SLX4IP: variants seen among roughly 807,000 people sequenced by gnomAD.
SLX4IP encodes protein SLX4IP.
Under a neutral mutation model 32.9 loss-of-function variants are expected in SLX4IP, and 34 were observed. The observed-to-expected ratio is 1.03, with a 90% CI of 0.79 to 1.38. The LOEUF is 1.38. Ranked by LOEUF, SLX4IP falls within the 40% of genes most tolerant of loss-of-function variation. The probability of loss-of-function intolerance (pLI) is 0.00; values close to 1 mark genes in which losing one functional copy is unlikely to be tolerated. For synonymous variants in SLX4IP, 172 were observed against 171.7 expected, an observed-to-expected ratio of 1.00 and a Z score of -0.01; for missense variants, 444 against 479.0, an observed-to-expected ratio of 0.93 and a Z score of 0.68.
intron 2 of SLX4IP, among the ~76,000 whole-genome samples, chr20:10,532,017 A>T (rs1328964187): frequency 2.6e-5 from 4 of 152,174 alleles, no homozygotes; most frequent in Non-Finnish European, 4.4e-5. Flanking sequence ...CTGACATCAC[A>T]TCCCTGACAT....
chr20:10,543,483 C>G (rs1173318694), intron 2 of SLX4IP, among the ~76,000 whole-genome samples: 1 of 152,158 alleles, frequency 6.6e-6, no homozygotes, highest in Non-Finnish European at 1.5e-5. Context: ...AACCTTGAGA[C>G]TGATGAAAGT....
intron 2 of SLX4IP, among the ~76,000 whole-genome samples, chr20:10,458,498 C>A (rs1197983561): frequency 1.3e-5 from 2 of 152,112 alleles, no homozygotes; most frequent in African/African-American, 4.8e-5. Context: ...ATTAGCTATT[C>A]TTCCTGATGT....
Position 10,526,073 on chromosome 20 carries a change from C to T in SLX4IP, c.28-30158C>T, listed in dbSNP as rs139393747. Among the ~76,000 whole-genome samples the T allele has an allele frequency of 3.3e-5, 5 of 152,262 alleles. No individual in the cohort carries two copies. The East Asian group carries it at 9.6e-4, about 29-fold the overall frequency. ...GATCTCTTTGTTCTAGCCTGCATTT[C>T]CGGTCTCACCTTCCCCCATCATACC... On this transcript the variant is annotated intron_variant, in intron 2 of 7. Coordinates refer to ENST00000334534, the MANE Select transcript of SLX4IP (RefSeq NM_001009608.3).
At chr20:10,621,470 ATAACATGAAG>A (rs749800980) in intron 7 of SLX4IP, 56 bp downstream of exon 7, 26 of 1,489,410 alleles carry the variant, frequency 1.7e-5, no homozygotes, top group Non-Finnish European at 2.4e-5. Context: ...GTATGGATAG[ATAACATGAAG>A]TCCAGAATTA....
In SLX4IP at chr20:10,507,103, A is replaced by G. The variant is rs73896580; in HGVS notation, c.27+48872A>G. 2.7e-3 allele frequency among the ~76,000 whole-genome samples: 415 copies of G among 152,316 alleles called. 2 individuals carry two copies. Among genetic ancestry groups the G allele is most frequent in the African/African-American group, 9.6e-3 (401 of 41,572 alleles). On this transcript the variant is annotated intron_variant, in intron 2 of 7. Transcript: ENST00000334534. ...CAATTTTAAATCAGGTGGCTGGGGA[A>G]GGCCTGCTTGAGAAGACTTGAAGAG...
chr20:10,472,725 G>A (rs756085694), intron 2 of SLX4IP, among the ~76,000 whole-genome samples: 10 of 152,186 alleles, frequency 6.6e-5, no homozygotes, highest in Non-Finnish European at 1.3e-4. Flanking sequence ...TAGGATTAAT[G>A]TTAACTCACT....
chr20:10,602,285 CCTCTCT>C (rs141021766), intron 6 of SLX4IP, among the ~76,000 whole-genome samples: 136 of 147,590 alleles, frequency 9.2e-4, no homozygotes, highest in African/African-American at 3.2e-3. Flanking sequence ...TCATTTTCTC[CCTCTCT>C]CTCTCTCTCT....
At chr20:10,436,086 TAATG>T (rs2065110665) in intron 1 of SLX4IP, among the ~76,000 whole-genome samples, 1 of 152,180 alleles carries the variant, frequency 6.6e-6, no homozygotes, top group African/African-American at 2.4e-5. Flanking sequence ...GTGTAGGAAT[TAATG>T]GTATTGACAC....
intron 2 of SLX4IP, among the ~76,000 whole-genome samples, chr20:10,516,685 C>G (rs2065852455): frequency 6.6e-6 from 1 of 152,138 alleles, no homozygotes; most frequent in African/African-American, 2.4e-5. Flanking sequence ...ATAGAAATAT[C>G]AAGTAATAAT....
chr20:10,619,776 C>T (rs1030616458), intron 6 of SLX4IP, among the ~76,000 whole-genome samples: 8 of 152,148 alleles, frequency 5.3e-5, no homozygotes, highest in Admixed American at 4.6e-4. Flanking sequence ...ACATAAATCT[C>T]GATTCCTCTC....
chr20:10,482,723 C>T (rs75420009), intron 2 of SLX4IP, among the ~76,000 whole-genome samples: 1,546 of 152,252 alleles, frequency 0.01, 15 homozygotes, highest in Non-Finnish European at 0.016. Context: ...AGAAGGAAAG[C>T]GTATTTGCAG....
intron 2 of SLX4IP, among the ~76,000 whole-genome samples, chr20:10,487,159 A>T (rs1165826098): frequency 1.3e-5 from 2 of 152,254 alleles, no homozygotes; most frequent in East Asian, 3.9e-4. Context: ...ACAACAACAA[A>T]ATCAACATCC....
intron 4 of SLX4IP, among the ~76,000 whole-genome samples, chr20:10,582,560 G>A (rs536238331): frequency 1.3e-5 from 2 of 152,108 alleles, no homozygotes; most frequent in Non-Finnish European, 2.9e-5. Context: ...TCTGCAAGAT[G>A]TGTGTGTATG....
rs1366408750 is a variant in SLX4IP, at chr20:10,598,731, A to G, written c.295A>G (p.Ile99Val). The G allele has an allele frequency of 1.2e-6, 2 of 1,614,010 alleles. No individual in the cohort carries two copies. Among genetic ancestry groups the G allele is most frequent in the African/African-American group, 1.3e-5 (1 of 74,930 alleles). Residue 99 changes from isoleucine to valine, a missense_variant, in exon 5 of 8, where the codon ATC (isoleucine) becomes GTC (valine). Physicochemically the swap from Ile to Val is conservative, Grantham distance 29 (BLOSUM62 3). Coordinates refer to ENST00000334534, the MANE Select transcript of SLX4IP (RefSeq NM_001009608.3). ...CAAGAGAGGGATACGCCTTCGCTGCATCAGGAGCACACAGAATGCTGGTAA... is the reference window on the plus strand; with the variant it reads ...CAAGAGAGGGATACGCCTTCGCTGCGTCAGGAGCACACAGAATGCTGGTAA... Reference protein sequence around the residue: ...FLKRGIRLRCIRSTQNAELCV... With the variant: ...FLKRGIRLRCVRSTQNAELCV...
intron 6 of SLX4IP, among the ~76,000 whole-genome samples, chr20:10,602,703 G>C (rs1190717114): frequency 6.6e-6 from 1 of 151,888 alleles, no homozygotes; most frequent in Non-Finnish European, 1.5e-5. Context: ...AATAATTTAT[G>C]GGAATATTAG....
intron 2 of SLX4IP, among the ~76,000 whole-genome samples, chr20:10,463,971 A>G (rs2065359677): frequency 6.6e-6 from 1 of 152,176 alleles, no homozygotes. Flanking sequence ...GGAAGGAAAC[A>G]TGTGGGAGGG....
intron 2 of SLX4IP, among the ~76,000 whole-genome samples, chr20:10,533,559 C>T (rs1466410931): frequency 6.7e-6 from 1 of 149,464 alleles, no homozygotes; most frequent in Non-Finnish European, 1.5e-5. Context: ...CGCAGGTGAT[C>T]CGCCTGCCTC....
intron 4 of SLX4IP, among the ~76,000 whole-genome samples, chr20:10,576,393 A>G (rs1212745796): frequency 6.6e-6 from 1 of 152,154 alleles, no homozygotes; most frequent in Admixed American, 6.5e-5. Context: ...GTTCAGGTAC[A>G]CCTAATTGTA....
chr20:10,564,098 C>T (rs1392634025), intron 4 of SLX4IP, among the ~76,000 whole-genome samples: 1 of 151,460 alleles, frequency 6.6e-6, no homozygotes, highest in Non-Finnish European at 1.5e-5. Context: ...CTGTGTAGAT[C>T]TAGACACCTG....
Sources: allele counts gnomAD v4.1 joint callset (sites outside exome capture counted in the v4.1 genomes callset), GRCh38; gene constraint gnomAD v4.1.1; transcripts MANE v1.5; gene names NCBI Gene and HGNC (gene_info 2026-07-23, HGNC 2026-07-21).